SCN2A: variants seen among roughly 807,000 people sequenced by gnomAD.
The protein encoded by SCN2A is sodium voltage-gated channel alpha subunit 2, also known as sodium channel protein type 2 subunit alpha.
In SCN2A, 20 loss-of-function variants were observed where a neutral mutation model predicts 188.7. That is an observed-to-expected ratio of 0.11 (90% CI 0.07 to 0.15). The LOEUF (loss-of-function observed/expected upper bound fraction) is 0.15, where lower values mean the gene tolerates loss of function less well. Among genes scored for constraint, SCN2A ranks in the 10% least tolerant of loss-of-function variants. The probability of loss-of-function intolerance (pLI) is 1.00; values close to 1 mark genes in which losing one functional copy is unlikely to be tolerated. For synonymous variants in SCN2A, 804 were observed against 833.1 expected (o/e 0.97, Z 0.60); for missense variants, 1,278 against 2,445.0 (o/e 0.52, Z 10.07).
chr2:165,253,771 A>G (rs1694198169), intron 1 of SCN2A, among the ~76,000 whole-genome samples: 1 of 152,078 alleles, frequency 6.6e-6, no homozygotes, highest in South Asian at 2.1e-4. Flanking sequence ...CTATATAGAG[A>G]AATGTATAGG....
intron 1 of SCN2A, among the ~76,000 whole-genome samples, chr2:165,253,777 A>G (rs887902728): frequency 1.3e-5 from 2 of 152,092 alleles, no homozygotes; most frequent in African/African-American, 4.8e-5. Context: ...AGAGAAATGT[A>G]TAGGTATAAC....
At chr2:165,281,366 T>G (rs1695577702) in intron 1 of SCN2A, among the ~76,000 whole-genome samples, 1 of 151,978 alleles carries the variant, frequency 6.6e-6, no homozygotes, top group Non-Finnish European at 1.5e-5. Flanking sequence ...AAGGCATCAC[T>G]GGGAAGGTCC....
At chr2:165,384,790 C>A (rs1558882515) in intron 25 of SCN2A, among the ~76,000 whole-genome samples, 3 of 152,096 alleles carry the variant, frequency 2.0e-5, no homozygotes, top group Non-Finnish European at 4.4e-5. Context: ...AGTTAGAATT[C>A]ATGAGACAGA....
At position 165,368,942 on chromosome 2, in the gene SCN2A, A is replaced by T. The variant is rs573205728; in HGVS notation, c.3676-1184A>T. On this transcript the variant is annotated intron_variant, in intron 19 of 26. Transcript: ENST00000375437. ...CTTTACCTTTATTATTATTATTATTATTTTTTAGACAGTCTTGCTGTTGCC... is the reference window on the plus strand; with the variant it reads ...CTTTACCTTTATTATTATTATTATTTTTTTTTAGACAGTCTTGCTGTTGCC... 3.2e-3 allele frequency among the ~76,000 whole-genome samples: 485 copies of T among 151,724 alleles called. 1 individual carries two copies. Among genetic ancestry groups the T allele is most frequent in the African/African-American group, 0.011 (459 of 41,416 alleles).
intron 11 of SCN2A, among the ~76,000 whole-genome samples, chr2:165,321,520 A>G (rs1272749427): frequency 3.3e-5 from 5 of 152,192 alleles, no homozygotes. Context: ...CAATTTACCA[A>G]AGAAAGACAT....
chr2:165,358,978 A>G (rs1700315529), intron 17 of SCN2A, among the ~76,000 whole-genome samples: 1 of 152,146 alleles, frequency 6.6e-6, no homozygotes, highest in Admixed American at 6.6e-5. Flanking sequence ...CATTTTTAAG[A>G]AATGTTAATT....
chr2:165,270,819 T>A (rs1244472388), intron 1 of SCN2A: 2 of 152,152 alleles, frequency 1.3e-5, no homozygotes, highest in Non-Finnish European at 2.9e-5. Context: ...CAACTTCAGA[T>A]CTCAATGCTG....
At position 165,390,090 on chromosome 2, in the gene SCN2A, G is replaced by C; in HGVS notation, c.*266G>C. On this transcript the variant is annotated 3_prime_UTR_variant, in exon 27 of 27. Coordinates refer to ENST00000375437, the MANE Select transcript of SCN2A (RefSeq NM_001040142.2). The stretch of plus-strand genomic sequence containing the variant: ...AGAGCAGAGGCGTAATGGCTACTCA[G>C]ACGATAGGAACCAATTTAAAGGGGG... 2.4e-6 allele frequency: 1 copy of C among 424,538 alleles called. No individual in the cohort carries two copies. Among genetic ancestry groups the C allele is most frequent in the Non-Finnish European group, 4.2e-6 (1 of 240,650 alleles). 26.3% of individuals were successfully genotyped at this position (424,538 alleles called of 1,614,324 possible). A position where few individuals can be genotyped will look rare whatever the true frequency, so the allele number is the denominator to read the frequency against.
At chr2:165,265,468 G>GATAT (rs1436110486) in intron 1 of SCN2A, among the ~76,000 whole-genome samples, 259 of 19,764 alleles carry the variant, frequency 0.013, 7 homozygotes, top group African/African-American at 0.026. Context: ...TTACTCTGTT[G>GATAT]ATCTATATAT....
At chr2:165,258,345 G>T (rs192831199) in intron 1 of SCN2A, among the ~76,000 whole-genome samples, 240 of 152,160 alleles carry the variant, frequency 1.6e-3, no homozygotes, top group Non-Finnish European at 3.1e-3. Context: ...TTTTTGTATG[G>T]TATAAGGAAG....
chr2:165,300,333 G>A (rs564777673), intron 3 of SCN2A, among the ~76,000 whole-genome samples: 16 of 152,296 alleles, frequency 1.1e-4, no homozygotes, highest in South Asian at 4.1e-4. Flanking sequence ...ATTGAACAAA[G>A]TGAAGTTCCT....
At chr2:165,294,505 G>A (rs1366639630) in intron 1 of SCN2A, among the ~76,000 whole-genome samples, 1 of 152,004 alleles carries the variant, frequency 6.6e-6, no homozygotes, top group Non-Finnish European at 1.5e-5. Flanking sequence ...GTTATTTTAG[G>A]TTTCCCTCTG....
intron 12 of SCN2A, among the ~76,000 whole-genome samples, chr2:165,323,727 T>G (rs1224875033): frequency 6.6e-6 from 1 of 152,146 alleles, no homozygotes; most frequent in Non-Finnish European, 1.5e-5. Context: ...GAAGTAATCT[T>G]TCATCATTAT....
chr2:165,372,993 C>A, intron 20 of SCN2A: 1 of 424,694 alleles, frequency 2.4e-6, no homozygotes, highest in Non-Finnish European at 4.3e-6. Flanking sequence ...TATAAGTGTT[C>A]GCAGACTAGT....
intron 1 of SCN2A, among the ~76,000 whole-genome samples, chr2:165,289,314 GA>G (rs965699394): frequency 1.3e-5 from 2 of 151,660 alleles, no homozygotes; most frequent in African/African-American, 4.8e-5. Flanking sequence ...TTTTAATTTA[GA>G]AAAAATATAT....
intron 1 of SCN2A, chr2:165,273,609 C>T (rs577560885): frequency 2.0e-5 from 3 of 152,202 alleles, no homozygotes; most frequent in African/African-American, 7.2e-5. Context: ...CTCTCTCTTT[C>T]TCTCTGTCTG....
At position 165,354,294 on chromosome 2, in the gene SCN2A, G is replaced by C; in HGVS notation, c.3022G>C (p.Gly1008Arg). The stretch of plus-strand genomic sequence containing the variant: ...AATGAATAATCTCCAGATTGCTGTG[G>C]GAAGGATGCAGAAAGGAATCGATTT... ...NEMNNLQIAV[G>R]RMQKGIDFVK... The change falls in exon 17 of 27, where the codon GGA (glycine) becomes CGA (arginine). Residue 1008 changes from glycine (G) to arginine (R), a missense_variant. Physicochemically the swap from Gly to Arg is moderately radical, Grantham distance 125. Coordinates refer to ENST00000375437, the MANE Select transcript of SCN2A (RefSeq NM_001040142.2). The C allele has an allele frequency of 6.2e-7, 1 of 1,614,060 alleles. No homozygotes were observed. Among genetic ancestry groups the C allele is most frequent in the South Asian group, 1.1e-5 (1 of 91,080 alleles).
chr2:165,347,408 CAG>C (rs1264659878), intron 16 of SCN2A, among the ~76,000 whole-genome samples: 1 of 151,024 alleles, frequency 6.6e-6, no homozygotes, highest in Non-Finnish European at 1.5e-5. Flanking sequence ...CACATGGACA[CAG>C]GGAGGGGAAC....
At chr2:165,306,208 G>A (rs568601109) in intron 3 of SCN2A, among the ~76,000 whole-genome samples, 1 of 152,226 alleles carries the variant, frequency 6.6e-6, no homozygotes, top group African/African-American at 2.4e-5. Context: ...GAAAGAAGAG[G>A]GTTGGAAGCT....
Sources: allele counts gnomAD v4.1 joint callset (sites outside exome capture counted in the v4.1 genomes callset), GRCh38; gene constraint gnomAD v4.1.1; transcripts MANE v1.5; gene names NCBI Gene and HGNC (gene_info 2026-07-23, HGNC 2026-07-21).